Variants in STXBP4 observed in about 807,000 individuals in gnomAD.
STXBP4 encodes the protein syntaxin binding protein 4.
In STXBP4, 55 loss-of-function variants were observed where a neutral mutation model predicts 76.1. The observed-to-expected ratio is 0.72, with a 90% CI of 0.58 to 0.91. STXBP4 has a LOEUF of 0.91. Among genes scored for constraint, STXBP4 ranks in the 40% least tolerant of loss-of-function variants. The pLI, the probability that STXBP4 is intolerant of heterozygous loss-of-function variation, is 0.00. For missense variants in STXBP4, 618 were observed against 636.9 expected, an observed-to-expected ratio of 0.97 and a Z score of 0.32; for synonymous variants, 201 against 220.2, an observed-to-expected ratio of 0.91 and a Z score of 0.77.
intron 16 of STXBP4, among the ~76,000 whole-genome samples, chr17:55,092,302 A>G (rs1039857575): frequency 6.6e-6 from 1 of 152,208 alleles, no homozygotes; most frequent in Non-Finnish European, 1.5e-5. Context: ...CCCCAAAACT[A>G]TTGAAATAAC....
chr17:55,133,726 G>GT (rs1185099976), intron 16 of STXBP4, among the ~76,000 whole-genome samples: 7 of 152,298 alleles, frequency 4.6e-5, no homozygotes, highest in Admixed American at 2.6e-4. Context: ...CAAGGAGGTA[G>GT]TGATCAACAG....
chr17:55,043,962 C>T (rs1162582922), intron 11 of STXBP4: 2 of 242,410 alleles, frequency 8.3e-6, no homozygotes, highest in Admixed American at 5.5e-5. Context: ...GATTCTCCCA[C>T]CTCAACCTCC....
chr17:55,070,961 G>A (rs1343468512), intron 12 of STXBP4, among the ~76,000 whole-genome samples: 1 of 152,106 alleles, frequency 6.6e-6, no homozygotes, highest in Non-Finnish European at 1.5e-5. Flanking sequence ...GTTGCTAGAT[G>A]CAGTGGCTGC....
At chr17:55,072,272 T>C (rs1472065142) in intron 12 of STXBP4, among the ~76,000 whole-genome samples, 1 of 152,162 alleles carries the variant, frequency 6.6e-6, no homozygotes, top group East Asian at 1.9e-4. Flanking sequence ...CAATATTGTT[T>C]TAAAGATTAA....
At chr17:55,143,817 A>G (rs1474210814) in intron 17 of STXBP4, among the ~76,000 whole-genome samples, 1 of 152,182 alleles carries the variant, frequency 6.6e-6, no homozygotes, top group African/African-American at 2.4e-5. Context: ...CTTAGTCTTG[A>G]CACATAAGGA....
chr17:55,105,349 C>T (rs12602690), intron 16 of STXBP4, among the ~76,000 whole-genome samples: 6,217 of 152,096 alleles, frequency 0.041, 214 homozygotes, highest in East Asian at 0.2. Flanking sequence ...TTTCAAATAA[C>T]GTATTTATTT....
At chr17:55,027,721 T>C (rs2078440622) in intron 8 of STXBP4, among the ~76,000 whole-genome samples, 2 of 152,148 alleles carry the variant, frequency 1.3e-5, no homozygotes, top group Admixed American at 6.5e-5. Context: ...GGAATACATA[T>C]GTATGTGATA....
intron 8 of STXBP4, among the ~76,000 whole-genome samples, chr17:55,011,700 T>C (rs2078116630): frequency 6.6e-6 from 1 of 152,112 alleles, no homozygotes. Context: ...ATTAGCATTT[T>C]AGTGAGCCCT....
chr17:55,108,537 G>A (rs933632766), intron 16 of STXBP4, among the ~76,000 whole-genome samples: 2 of 152,210 alleles, frequency 1.3e-5, no homozygotes, highest in Non-Finnish European at 2.9e-5. Flanking sequence ...CCCTCGTGAT[G>A]TAGGCACCTG....
In STXBP4 at chr17:55,166,107, G is replaced by A. The variant is rs1340324066; in HGVS notation, c.*6196G>A. On this transcript the variant is annotated 3_prime_UTR_variant, in exon 18 of 18. Transcript: ENST00000376352. Reference sequence around the variant, plus strand: ...GATCCATTTATTCCCTATTCCTGGTGTTTCTTTGTAGAGAGTGCTCCATTA... The same window carrying A: ...GATCCATTTATTCCCTATTCCTGGTATTTCTTTGTAGAGAGTGCTCCATTA... 3 of 152,132 alleles carry A rather than the reference G, an allele frequency of 2.0e-5. No homozygotes were observed. The highest frequency in any genetic ancestry group is 7.2e-5 in the African/African-American group (3 of 41,404). The allele number at this position is 152,132 out of a possible 1,614,324, so 9.4% of individuals were successfully genotyped here.
chr17:55,145,604 A>T (rs1323535730), intron 17 of STXBP4, among the ~76,000 whole-genome samples: 2 of 152,204 alleles, frequency 1.3e-5, no homozygotes, highest in African/African-American at 4.8e-5. Context: ...ATACTTTGTC[A>T]TCTACTTAAA....
At chr17:55,000,100 A>C in intron 6 of STXBP4, 3 of 520,728 alleles carry the variant, frequency 5.8e-6, no homozygotes, top group Non-Finnish European at 7.4e-6. Context: ...AGATATGCCT[A>C]GATATCACTC....
chr17:54,984,343 T>TC (rs1474279327), intron 1 of STXBP4, among the ~76,000 whole-genome samples: 10 of 127,216 alleles, frequency 7.9e-5, no homozygotes, highest in East Asian at 4.0e-4. Context: ...TTTTTTCTTT[T>TC]TTTTTTTTTT....
At chr17:55,178,025 G>A (rs1244379956), downstream of STXBP4, among the ~76,000 whole-genome samples, 1 of 152,190 alleles carries the variant, frequency 6.6e-6, no homozygotes, top group Admixed American at 6.5e-5. Context: ...AATTTTAAAT[G>A]TCACAGTAAT....
At chr17:55,212,883 C>G in the STXBP4 span, among the ~76,000 whole-genome samples, 21 of 152,108 alleles carry the variant, frequency 1.4e-4, no homozygotes, top group Admixed American at 1.2e-3. Flanking sequence ...AGTGTGCGTG[C>G]TTCATCTCAT....
chr17:55,107,569 G>A (rs558705301), intron 16 of STXBP4, among the ~76,000 whole-genome samples: 4 of 151,908 alleles, frequency 2.6e-5, no homozygotes, highest in East Asian at 1.9e-4. Flanking sequence ...CCACGTCTTC[G>A]TTTGATGTTG....
In STXBP4 at chr17:55,037,280, T is replaced by C. The variant is rs537824666; in HGVS notation, c.855+3021T>C. On this transcript the variant is annotated intron_variant, in intron 10 of 17. Coordinates refer to ENST00000376352, the MANE Select transcript of STXBP4 (RefSeq NM_178509.6). ...TGCCAAACAGTTCTCAGAGCTGCCA[T>C]GCTCATTTTTGATGAGGAAGGCAAA... 9.5e-4 allele frequency among the ~76,000 whole-genome samples: 144 copies of C among 152,284 alleles called. 1 individual carries two copies. The highest frequency in any genetic ancestry group is 3.4e-3 in the African/African-American group (142 of 41,568).
the STXBP4 span, among the ~76,000 whole-genome samples, chr17:55,182,979 GA>G: frequency 6.6e-6 from 1 of 152,116 alleles, no homozygotes; most frequent in South Asian, 2.1e-4. Flanking sequence ...AAAGATGAAA[GA>G]AAGAATAAAA....
At chr17:54,993,175 T>A (rs2077745970) in intron 4 of STXBP4, among the ~76,000 whole-genome samples, 1 of 152,230 alleles carries the variant, frequency 6.6e-6, no homozygotes, top group Admixed American at 6.5e-5. Flanking sequence ...CTACTTTTTC[T>A]TGTTAGAATT....
Sources: allele counts gnomAD v4.1 joint callset (sites outside exome capture counted in the v4.1 genomes callset), GRCh38; gene constraint gnomAD v4.1.1; transcripts MANE v1.5; gene names NCBI Gene and HGNC (gene_info 2026-07-23, HGNC 2026-07-21).